Variants in TF observed in about 807,000 individuals in gnomAD.
TF encodes transferrin, also known as serotransferrin.
In TF, 55 loss-of-function variants were observed where a neutral mutation model predicts 82.4. That is an observed-to-expected ratio of 0.67 (90% CI 0.54 to 0.84). The LOEUF (loss-of-function observed/expected upper bound fraction) is 0.84. Ranked by LOEUF, TF falls within the 40% of genes least tolerant of loss-of-function variation. TF has a pLI of 0.00. For synonymous variants in TF, 332 were observed against 332.6 expected (o/e 1.00, Z 0.02); for missense variants, 737 against 868.4 (o/e 0.85, Z 1.90).
At chr3:133,713,568 T>TA in the TF span, among the ~76,000 whole-genome samples, 5 of 152,238 alleles carry the variant, frequency 3.3e-5, no homozygotes, top group African/African-American at 1.2e-4. Flanking sequence ...TCGCTTGTCT[T>TA]ATAAGCATGT....
At chr3:133,736,745 G>A in the TF span, among the ~76,000 whole-genome samples, 4 of 146,724 alleles carry the variant, frequency 2.7e-5, no homozygotes, top group African/African-American at 7.6e-5. Context: ...ATGGTAAAAA[G>A]ATCAATGCAA....
the TF span, among the ~76,000 whole-genome samples, chr3:133,674,350 C>G: frequency 6.2e-4 from 94 of 152,318 alleles, 1 homozygote; most frequent in African/African-American, 7.5e-4. Flanking sequence ...GGTGCTGCCC[C>G]CTTCCCCGAA....
the TF span, among the ~76,000 whole-genome samples, chr3:133,697,154 T>C: frequency 6.6e-6 from 1 of 152,222 alleles, no homozygotes; most frequent in Non-Finnish European, 1.5e-5. Flanking sequence ...ACATTGACTA[T>C]AATTATTACT....
rs8177199 is a variant in TF, at chr3:133,750,781, T to A, written c.216+2197T>A. The stretch of plus-strand genomic sequence containing the variant: ...TTTGTTTGCTTCATTTTTTAAAAAA[T>A]ATATATATATTTTATTATACTTTAA... On this transcript the variant is annotated intron_variant, in intron 2 of 16. Coordinates refer to ENST00000402696, the MANE Select transcript of TF (RefSeq NM_001063.4). 4.9e-3 allele frequency among the ~76,000 whole-genome samples: 739 copies of A among 152,012 alleles called. 4 individuals are homozygous for A. Among genetic ancestry groups the A allele is most frequent in the African/African-American group, 0.016 (650 of 41,498 alleles).
intron 14 of TF, among the ~76,000 whole-genome samples, chr3:133,771,743 CAAAAAAA>C (rs71136494): frequency 1.8e-5 from 1 of 56,564 alleles, no homozygotes. Flanking sequence ...GACTCCGTCT[CAAAAAAA>C]AAAAAAAAAA....
chr3:133,746,688 C>G (rs755884056), intron 1 of TF, among the ~76,000 whole-genome samples: 15 of 152,222 alleles, frequency 9.9e-5, no homozygotes, highest in Non-Finnish European at 1.2e-4. Flanking sequence ...TGTCTTCTCC[C>G]CCTCCTCCTC....
the TF span, among the ~76,000 whole-genome samples, chr3:133,684,196 TAAA>T: frequency 6.6e-6 from 1 of 152,186 alleles, no homozygotes; most frequent in Admixed American, 6.5e-5. Flanking sequence ...GGGACCCATT[TAAA>T]GCAGTGTGTA....
Position 133,768,085 on chromosome 3 carries a change from A to G in TF, c.1543A>G (p.Lys515Glu). The change falls in exon 13 of 17, where the codon AAG (lysine) becomes GAG (glutamate). Residue 515 changes from lysine (K) to glutamate (E), a missense_variant. Transcript: ENST00000402696. ...PGSKKDSSLCKLCMGSGLNLC... is the reference protein window; with the variant it reads ...PGSKKDSSLCELCMGSGLNLC... The stretch of plus-strand genomic sequence containing the variant: ...GTCTAAGAAAGACTCCAGTCTCTGT[A>G]AGCTGTGTATGGGCTCAGGCCTAAA... The G allele has an allele frequency of 6.2e-7, 1 of 1,614,208 alleles. No individual in the cohort carries two copies. The highest frequency in any genetic ancestry group is 1.1e-5 in the South Asian group (1 of 91,080).
chr3:133,772,299 T>C (rs1934279673), intron 14 of TF, among the ~76,000 whole-genome samples: 1 of 152,230 alleles, frequency 6.6e-6, no homozygotes, highest in African/African-American at 2.4e-5. Context: ...CTTGGCTCTT[T>C]GCCACCCTTG....
In TF at chr3:133,759,256, G is replaced by A. The variant is rs1933919905; in HGVS notation, c.1130G>A (p.Trp377Ter). ...SHHERLKCDE[W>*]SVNSVGKIEC... ...CACGAGAGGCTCAAGTGTGATGAGT[G>A]GAGTGTTAACAGTGTAGGGAAAATA... is the stretch of plus-strand genomic sequence containing the variant. The change falls in exon 9 of 17, where the codon TGG (tryptophan) becomes TAG (stop). Residue 377 changes from tryptophan (W) to a stop codon, truncating the protein, a stop_gained. Coordinates refer to ENST00000402696, the MANE Select transcript of TF (RefSeq NM_001063.4). LOFTEE classifies it high-confidence loss of function. The A allele has an allele frequency of 4.3e-6, 7 of 1,613,994 alleles. No homozygotes were observed. Among genetic ancestry groups the A allele is most frequent in the Admixed American group, 1.7e-5 (1 of 60,004 alleles).
chr3:133,692,244 G>A, the TF span, among the ~76,000 whole-genome samples: 1 of 152,344 alleles, frequency 6.6e-6, no homozygotes, highest in Admixed American at 6.5e-5. Flanking sequence ...GTTTGGGGGA[G>A]TCTAAGAATG....
chr3:133,775,084 G>A (rs1352653101), intron 14 of TF: 4 of 369,276 alleles, frequency 1.1e-5, no homozygotes, highest in African/African-American at 8.4e-5. Context: ...ACCTGGCTTA[G>A]AGCGTCACAT....
At chr3:133,738,371 A>G in the TF span, among the ~76,000 whole-genome samples, 1 of 152,222 alleles carries the variant, frequency 6.6e-6, no homozygotes, top group East Asian at 1.9e-4. Flanking sequence ...GAATAGGCAA[A>G]AGCTGGAAGC....
chr3:133,664,149 C>G, the TF span, among the ~76,000 whole-genome samples: 1 of 152,200 alleles, frequency 6.6e-6, no homozygotes, highest in African/African-American at 2.4e-5. Context: ...GGCTAGCAAT[C>G]TGTGCCCTTC....
chr3:133,767,064 G>A (rs1934146029), intron 12 of TF, among the ~76,000 whole-genome samples: 1 of 152,154 alleles, frequency 6.6e-6, no homozygotes, highest in Non-Finnish European at 1.5e-5. Flanking sequence ...ATATTGGGTA[G>A]ACAGGTAGCA....
rs1026351405 is a variant in TF, at chr3:133,784,534, C to T, written c.*5914C>T. 2.0e-5 allele frequency: 3 copies of T among 150,764 alleles called. No homozygotes were observed. In the South Asian group the frequency reaches 6.4e-4, roughly 32 times the overall value. 9.3% of individuals were successfully genotyped at this position (150,764 alleles called of 1,614,324 possible). A position where few individuals can be genotyped will look rare whatever the true frequency, so the allele number is the denominator to read the frequency against. On this transcript the variant is annotated 3_prime_UTR_variant, in exon 17 of 17. Coordinates refer to ENST00000402696, the MANE Select transcript of TF (RefSeq NM_001063.4). ...GGACATAAATGGCTTCTGGAGATGA[C>T]TTTTTGCAATGAAGTTGTTAGACCA...
the TF span, among the ~76,000 whole-genome samples, chr3:133,671,211 C>G: frequency 6.6e-6 from 1 of 152,180 alleles, no homozygotes; most frequent in African/African-American, 2.4e-5. Context: ...ATCAAGATGT[C>G]AGCAGGGCTG....
At position 133,770,561 on chromosome 3, in the gene TF, A is replaced by C. The variant is rs753682414; in HGVS notation, c.1676A>C (p.Gln559Pro). Residue 559 changes from glutamine (Q) to proline (P), a missense_variant, in exon 14 of 17, where the codon CAG becomes CCG. Coordinates refer to ENST00000402696, the MANE Select transcript of TF (RefSeq NM_001063.4). ...TTTGTGAAACACCAGACTGTCCCAC[A>C]GAACACTGGGGGTAAGTGCACCTGC... Reference protein sequence around the residue: ...VAFVKHQTVPQNTGGKNPDPW... With the variant: ...VAFVKHQTVPPNTGGKNPDPW... 1.2e-6 allele frequency: 2 copies of C among 1,614,154 alleles called. No individual in the cohort carries two copies. Among genetic ancestry groups the C allele is most frequent in the South Asian group, 2.2e-5 (2 of 91,078 alleles).
At chr3:133,676,680 G>A in the TF span, among the ~76,000 whole-genome samples, 1 of 152,262 alleles carries the variant, frequency 6.6e-6, no homozygotes, top group African/African-American at 2.4e-5. Flanking sequence ...GCTGGGGCTA[G>A]GGAAGGCTGG....
Sources: allele counts gnomAD v4.1 joint callset (sites outside exome capture counted in the v4.1 genomes callset), GRCh38; gene constraint gnomAD v4.1.1; transcripts MANE v1.5; gene names NCBI Gene and HGNC (gene_info 2026-07-23, HGNC 2026-07-21).